IMPG2: variants seen among roughly 807,000 people sequenced by gnomAD.
The protein encoded by IMPG2 is interphotoreceptor matrix proteoglycan 2.
A neutral mutation model predicts 129.2 loss-of-function variants in IMPG2; 91 were observed. The ratio of observed to expected loss-of-function variants is 0.70; its 90% confidence interval spans 0.59 to 0.84. The LOEUF is 0.84. Among genes scored for constraint, IMPG2 ranks in the 40% least tolerant of loss-of-function variants. The pLI is 0.00. For synonymous variants in IMPG2, 510 were observed against 517.7 expected (o/e 0.99, Z 0.20); for missense variants, 1,430 against 1,461.7 (o/e 0.98, Z 0.35).
chr3:101,260,655 C>A (rs113797824), intron 9 of IMPG2, among the ~76,000 whole-genome samples: 8 of 152,118 alleles, frequency 5.3e-5, no homozygotes, highest in Non-Finnish European at 1.2e-4. Flanking sequence ...ACCTCCCAAC[C>A]CTTATATCTT....
At chr3:101,254,590 G>GT (rs1359084909) in intron 10 of IMPG2, among the ~76,000 whole-genome samples, 1 of 152,048 alleles carries the variant, frequency 6.6e-6, no homozygotes, top group African/African-American at 2.4e-5. Flanking sequence ...TTATCCACCT[G>GT]TTCCCACTGG....
At chr3:101,299,126 G>T (rs1259357526) in intron 3 of IMPG2, among the ~76,000 whole-genome samples, 2 of 151,854 alleles carry the variant, frequency 1.3e-5, no homozygotes, top group Admixed American at 6.6e-5. Context: ...AATCTTGCCT[G>T]CATGCCTTAT....
intron 15 of IMPG2, 143 bp from the exon 16 acceptor site, chr3:101,231,288 A>G (rs963798912): frequency 1.4e-5 from 11 of 799,330 alleles, no homozygotes; most frequent in Non-Finnish European, 2.4e-5. Context: ...GAATAGACAG[A>G]TTAAAAGATC....
rs200818740 is a variant in IMPG2, at chr3:101,244,073, G to A, written c.2258C>T (p.Ser753Leu). ...ACTGTCAAACCATTCATAGTTGGATGACTCAGTAATTTGTTCCATATCCTC... is the reference window on the plus strand; with the variant it reads ...ACTGTCAAACCATTCATAGTTGGATAACTCAGTAATTTGTTCCATATCCTC... ...LREDMEQITE[S>L]SNYEWFDSEV... The change falls in exon 13 of 19, where the codon TCA becomes TTA. Residue 753 changes from serine to leucine, a missense_variant. Coordinates refer to ENST00000193391, the MANE Select transcript of IMPG2 (RefSeq NM_016247.4). 479 of 1,613,966 alleles carry A rather than the reference G, an allele frequency of 3.0e-4. 3 individuals carry two copies. The highest frequency in any genetic ancestry group is 2.8e-3 in the Middle Eastern group (17 of 6,062).
In IMPG2 at chr3:101,226,497, A is replaced by G. The variant is rs1258882851; in HGVS notation, c.*472T>C. Reference sequence around the variant, plus strand: ...TTAGATGAATGCCTGATTATAAACTATCCATTAAGACTATTTCAAAGGTTT... The same window carrying G: ...TTAGATGAATGCCTGATTATAAACTGTCCATTAAGACTATTTCAAAGGTTT... On this transcript the variant is annotated 3_prime_UTR_variant, in exon 19 of 19. Transcript: ENST00000193391. The G allele has an allele frequency of 6.5e-6, 1 of 153,482 alleles. No individual in the cohort carries two copies. Among genetic ancestry groups the G allele is most frequent in the Non-Finnish European group, 1.4e-5 (1 of 69,102 alleles). 9.5% of individuals were successfully genotyped at this position (153,482 alleles called of 1,614,324 possible).
chr3:101,227,140 T>A (rs80055627), intron 18 of IMPG2, among the ~76,000 whole-genome samples, 159 bp from the exon 19 acceptor site: 2,547 of 152,302 alleles, frequency 0.017, 69 homozygotes, highest in African/African-American at 0.058. Context: ...GTGCTAAAAA[T>A]TTTTTTAATC....
chr3:101,288,991 G>T (rs946374309), intron 4 of IMPG2, among the ~76,000 whole-genome samples: 6 of 152,058 alleles, frequency 3.9e-5, no homozygotes, highest in Non-Finnish European at 1.5e-5. Flanking sequence ...CTACATACAC[G>T]CTTGGTGCTA....
At position 101,315,536 on chromosome 3, in the gene IMPG2, T is replaced by C. The variant is rs1576774830; in HGVS notation, c.334+4048A>G. On this transcript the variant is annotated intron_variant, in intron 2 of 18. Coordinates refer to ENST00000193391, the MANE Select transcript of IMPG2 (RefSeq NM_016247.4). ...ATGGTATAAAATTACTTCAGATAAG[T>C]GTATAAGGTGTATACGAAACATAAC... is the stretch of plus-strand genomic sequence containing the variant. 2.0e-5 allele frequency among the ~76,000 whole-genome samples: 3 copies of C among 152,182 alleles called. No individual in the cohort carries two copies. The East Asian group carries it at 5.8e-4, about 29-fold the overall frequency.
intron 10 of IMPG2, among the ~76,000 whole-genome samples, chr3:101,254,817 GA>G (rs1407135709): frequency 6.6e-6 from 1 of 152,006 alleles, no homozygotes; most frequent in Non-Finnish European, 1.5e-5. Flanking sequence ...GAGGTGATTG[GA>G]TCATGGGGGC....
chr3:101,268,768 G>A (rs1024206749), intron 8 of IMPG2, among the ~76,000 whole-genome samples: 6 of 152,058 alleles, frequency 3.9e-5, no homozygotes, highest in African/African-American at 1.4e-4. Flanking sequence ...CTAAATCATG[G>A]CATTGAGTCT....
In IMPG2 at chr3:101,319,905, T is replaced by C. The variant is rs543490333; in HGVS notation, c.86-73A>G. 1.9e-5 allele frequency: 29 copies of C among 1,493,746 alleles called. No individual in the cohort carries two copies. The African/African-American group carries it at 2.2e-4, about 11-fold the overall frequency. 92.5% of individuals were successfully genotyped at this position (1,493,746 alleles called of 1,614,324 possible). A position where few individuals can be genotyped will look rare whatever the true frequency, so the allele number is the denominator to read the frequency against. ...CAAAAGGTAACAACTAAAGAAAAAC[T>C]GACACTTGGGCTACATTAAGATAGA... On this transcript the variant is annotated intron_variant, in intron 1 of 18. Transcript: ENST00000193391.
At chr3:101,247,323 A>G (rs576469180) in intron 11 of IMPG2, among the ~76,000 whole-genome samples, 1 of 152,106 alleles carries the variant, frequency 6.6e-6, no homozygotes, top group Non-Finnish European at 1.5e-5. Flanking sequence ...TGAGGCCGGG[A>G]GTGGTGGCTC....
chr3:101,303,663 A>G (rs1319923196), intron 3 of IMPG2, among the ~76,000 whole-genome samples: 1 of 152,216 alleles, frequency 6.6e-6, no homozygotes, highest in African/African-American at 2.4e-5. Flanking sequence ...GTCTAAAACA[A>G]GGAAAACAAG....
intron 3 of IMPG2, among the ~76,000 whole-genome samples, chr3:101,293,506 TA>T (rs202065602): frequency 0.015 from 2,282 of 152,286 alleles, 21 homozygotes; most frequent in Non-Finnish European, 0.026. Flanking sequence ...AGAGCATAAG[TA>T]GAGTAGATTT....
At chr3:101,272,099 G>A (rs1576758950) in intron 7 of IMPG2, among the ~76,000 whole-genome samples, 3 of 149,194 alleles carry the variant, frequency 2.0e-5, no homozygotes, top group African/African-American at 7.4e-5. Flanking sequence ...TTTTACACAC[G>A]CACACACACA....
intron 18 of IMPG2, 116 bp from the exon 19 acceptor site, chr3:101,227,097 T>A: frequency 8.3e-7 from 1 of 1,200,230 alleles, no homozygotes; most frequent in Non-Finnish European, 1.2e-6. Context: ...CTTTCTATTT[T>A]TTTCTTTATT....
Position 101,320,299 on chromosome 3 carries a change from G to T in IMPG2, c.74C>A (p.Pro25Gln). 6.4e-7 allele frequency: 1 copy of T among 1,558,754 alleles called. No individual in the cohort carries two copies. Among genetic ancestry groups the T allele is most frequent in the Non-Finnish European group, 8.8e-7 (1 of 1,130,550 alleles). The change falls in exon 1 of 19, where the codon CCA (proline) becomes CAA (glutamine). Residue 25 changes from proline (P) to glutamine (Q), a missense_variant. Transcript: ENST00000193391. ...AGATTTTTAAATACCTGTTAATGAT[G>T]GAAAGTCTCCTTCTATCAGGACAAA... is the stretch of plus-strand genomic sequence containing the variant. ...LIFVLIEGDF[P>Q]SLTAQTYLSI...
At chr3:101,238,653 A>G (rs532721128) in intron 14 of IMPG2, among the ~76,000 whole-genome samples, 13 of 152,340 alleles carry the variant, frequency 8.5e-5, no homozygotes, top group Non-Finnish European at 1.6e-4. Context: ...GAAATCCTTT[A>G]CAGACAAGCA....
intron 4 of IMPG2, among the ~76,000 whole-genome samples, chr3:101,290,441 C>T (rs182104666): frequency 1.9e-3 from 288 of 152,132 alleles, no homozygotes; most frequent in African/African-American, 6.4e-3. Context: ...CCTGGGAGCA[C>T]GAGGCTGCAG....
Sources: gnomAD v4.1 joint callset for allele counts (sites outside exome capture counted in the v4.1 genomes callset) on GRCh38, gnomAD v4.1.1 for gene constraint, MANE v1.5 for transcripts, NCBI Gene and HGNC (gene_info 2026-07-23, HGNC 2026-07-21) for gene names.